Variants in GSN observed in about 807,000 individuals in gnomAD.
GSN encodes actin-depolymerizing factor.
GSN carries 56 observed loss-of-function variants against 85.7 expected under a neutral mutation model. The observed-to-expected ratio is 0.65, with a 90% confidence interval of 0.53 to 0.82. The LOEUF is 0.82. GSN is among the 40% of genes least tolerant of loss of function. The probability of loss-of-function intolerance (pLI) is 0.00; values close to 1 mark genes in which losing one functional copy is unlikely to be tolerated. For missense variants in GSN, 857 were observed against 979.8 expected, an observed-to-expected ratio of 0.87 and a Z score of 1.67; for synonymous variants, 373 against 399.1, an observed-to-expected ratio of 0.93 and a Z score of 0.78.
At chr9:121,202,656 T>C in the GSN span, among the ~76,000 whole-genome samples, 2 of 152,248 alleles carry the variant, frequency 1.3e-5, no homozygotes, top group African/African-American at 4.8e-5. Context: ...CTGAGCACTT[T>C]TGCCTTGTGG....
chr9:121,310,861 C>T lies in GSN; in HGVS notation c.513+16C>T. On this transcript the variant is annotated intron_variant, in intron 5 of 17. Transcript: ENST00000432226. The stretch of plus-strand genomic sequence containing the variant: ...CCTGGGCAACGTGAGTCCTGCTTTC[C>T]TCTTTCCCAGGAGCCACTGAGGTGC... 6.2e-7 allele frequency: 1 copy of T among 1,613,310 alleles called. No homozygotes were observed. Among genetic ancestry groups the T allele is most frequent in the African/African-American group, 1.3e-5 (1 of 75,054 alleles).
intron 5 of GSN, chr9:121,239,060 TGGCA>T (rs1192108926): frequency 4.9e-6 from 2 of 411,552 alleles, no homozygotes; most frequent in Non-Finnish European, 9.6e-6. Context: ...ATGATATCGT[TGGCA>T]GGCATGGTAA....
chr9:121,253,538 C>T (rs1295133096), intron 6 of GSN, among the ~76,000 whole-genome samples: 1 of 152,168 alleles, frequency 6.6e-6, no homozygotes, highest in Non-Finnish European at 1.5e-5. Flanking sequence ...GTATCAGCAA[C>T]CTGGAGTCAC....
Position 121,327,419 on chromosome 9 carries a change from G to A in GSN, c.1699G>A (p.Ala567Thr), listed in dbSNP as rs535229743. ...AGCCAGCGAGGCAGAGAAGACGGGG[G>A]CCCAGGAGCTGCTCAGGGTGCTGCG... ...TGASEAEKTG[A>T]QELLRVLRAQ... Residue 567 changes from alanine to threonine, a missense_variant, in exon 14 of 18, where the codon GCC becomes ACC. Ala to Thr is a moderately conservative substitution (Grantham distance 58). Coordinates refer to ENST00000432226, the MANE Select transcript of GSN (RefSeq NM_198252.3). 6.2e-7 allele frequency: 1 copy of A among 1,610,194 alleles called. No individual in the cohort carries two copies. The highest frequency in any genetic ancestry group is 8.5e-7 in the Non-Finnish European group (1 of 1,178,200).
chr9:121,222,973 T>G (rs933658306), intron 4 of GSN: 1 of 152,158 alleles, frequency 6.6e-6, no homozygotes, highest in East Asian at 1.9e-4. Context: ...GTGCGTTGTC[T>G]GCATGCACAG....
intron 6 of GSN, among the ~76,000 whole-genome samples, chr9:121,256,374 G>A (rs1265600525): frequency 1.3e-5 from 2 of 152,162 alleles, no homozygotes; most frequent in African/African-American, 4.8e-5. Context: ...TTTGTCATTT[G>A]CAGCAACATG....
In GSN at chr9:121,332,600, C is replaced by T. The variant is rs766988230; in HGVS notation, c.2193C>T (p.Ala731=). ...ACAGGGCCATGGCTGAGCTGGCTGC[C>T]TGAGGAGGGGCAGGGCCCACCCATG... The part of the protein sequence containing the change: ...PLDRAMAELA[A] The change falls in exon 18 of 18, where the codon GCC becomes GCT. Residue 731 remains alanine (A), a synonymous_variant. Coordinates refer to ENST00000432226, the MANE Select transcript of GSN (RefSeq NM_198252.3). This position sits in a 1 kb window ranked among gnomAD's most constrained non-coding sequence, Gnocchi z 4.8. 1.2e-6 allele frequency: 2 copies of T among 1,612,958 alleles called. No individual in the cohort carries two copies. The highest frequency in any genetic ancestry group is 2.2e-5 in the South Asian group (2 of 90,988).
rs182880400 is a variant in GSN, at chr9:121,300,960, G to A, written c.-9-1003G>A. Among the ~76,000 whole-genome samples, 567 of 152,282 alleles carry A rather than the reference G, an allele frequency of 3.7e-3. 6 individuals are homozygous for A. Among genetic ancestry groups the A allele is most frequent in the African/African-American group, 0.013 (540 of 41,546 alleles). ...CCCACTTAGCGTGCACAGAGCTAGC[G>A]CCTGCTGTCTGCCAGGCCCCGTGCT... On this transcript the variant is annotated intron_variant, in intron 2 of 17. Transcript: ENST00000432226.
chr9:121,235,615 C>T (rs748786919), intron 5 of GSN, among the ~76,000 whole-genome samples: 5 of 152,204 alleles, frequency 3.3e-5, no homozygotes, highest in Admixed American at 6.5e-5. Context: ...GGTTCTTTGT[C>T]GCTCATTCTT....
chr9:121,293,994 C>T lies in GSN; in HGVS notation c.-9-7969C>T, dbSNP rs550669890. 4.6e-5 allele frequency among the ~76,000 whole-genome samples: 7 copies of T among 152,160 alleles called. 1 individual carries two copies. Among genetic ancestry groups the T allele is most frequent in the East Asian group, 3.9e-4 (2 of 5,194 alleles). ...GCCACACTGCTAATAAGTGATAGAC[C>T]GGGGACTTAAATGCAGGCATTTCTG... On this transcript the variant is annotated intron_variant, in intron 2 of 17. Coordinates refer to ENST00000432226, the MANE Select transcript of GSN (RefSeq NM_198252.3).
chr9:121,270,123 T>C lies in GSN; in HGVS notation c.-103+1904T>C, dbSNP rs776717019. ...ACAGGAGTTGGGGGAAAAGACATTCTGGGAAGCAGGAACCACTAGTGCAAA... is the reference window on the plus strand; with the variant it reads ...ACAGGAGTTGGGGGAAAAGACATTCCGGGAAGCAGGAACCACTAGTGCAAA... On this transcript the variant is annotated intron_variant, in intron 1 of 17. Coordinates refer to ENST00000432226, the MANE Select transcript of GSN (RefSeq NM_198252.3). Among the ~76,000 whole-genome samples, 6 of 151,514 alleles carry C rather than the reference T, an allele frequency of 4.0e-5. No individual in the cohort carries two copies. The South Asian group carries it at 1.0e-3, about 26-fold the overall frequency.
At chr9:121,253,721 G>T (rs1024414208) in intron 6 of GSN, among the ~76,000 whole-genome samples, 1 of 152,164 alleles carries the variant, frequency 6.6e-6, no homozygotes, top group African/African-American at 2.4e-5. Flanking sequence ...TTTGGTGCAG[G>T]AACTGGCGGT....
chr9:121,280,863 C>T (rs1183881405), intron 1 of GSN: 1 of 152,176 alleles, frequency 6.6e-6, no homozygotes, highest in East Asian at 1.9e-4. Context: ...TGAATTCAGC[C>T]ATGCAATAGG....
At chr9:121,317,413 C>A in intron 8 of GSN, 195 bp downstream of exon 8, 1 of 617,066 alleles carries the variant, frequency 1.6e-6, no homozygotes, top group Non-Finnish European at 2.9e-6. Context: ...CCTTTCTGGG[C>A]CTCAGATTCC....
At chr9:121,248,097 G>C (rs1388744285) in intron 5 of GSN, among the ~76,000 whole-genome samples, 5 of 152,188 alleles carry the variant, frequency 3.3e-5, no homozygotes, top group Non-Finnish European at 5.9e-5. Context: ...AGGAGACTGA[G>C]TCTCAGAGAA....
intron 6 of GSN, among the ~76,000 whole-genome samples, chr9:121,251,126 CTGTT>C (rs1332823470): frequency 3.4e-5 from 5 of 148,580 alleles, no homozygotes; most frequent in Admixed American, 1.4e-4. Context: ...GCACCCGACC[CTGTT>C]TGTTTTTTTA....
upstream of GSN, among the ~76,000 whole-genome samples, chr9:121,267,831 G>C (rs2055293582): frequency 6.6e-6 from 1 of 152,102 alleles, no homozygotes; most frequent in Non-Finnish European, 1.5e-5. Flanking sequence ...TCGCTTGCCC[G>C]TCCCATCTGA....
At chr9:121,220,185 C>T (rs766093967) in intron 4 of GSN, among the ~76,000 whole-genome samples, 40 of 152,322 alleles carry the variant, frequency 2.6e-4, no homozygotes, top group Middle Eastern at 3.4e-3. Context: ...ACCCGGCCCA[C>T]ACTGCCTTTT....
chr9:121,313,481 G>C (rs1251022126), intron 6 of GSN: 1 of 252,406 alleles, frequency 4.0e-6, no homozygotes, highest in Non-Finnish European at 7.9e-6. Context: ...TGGAGGTTCA[G>C]ATTCTGGCTT....
Sources: allele counts gnomAD v4.1 joint callset (sites outside exome capture counted in the v4.1 genomes callset), GRCh38; gene constraint gnomAD v4.1.1; non-coding constraint Gnocchi (gnomAD v3.1); transcripts MANE v1.5; gene names NCBI Gene and HGNC (gene_info 2026-07-23, HGNC 2026-07-21).